The following FER1L6 variants were observed in gnomAD, a reference collection of about 807,000 sequenced individuals.
FER1L6 encodes the protein fer-1 like family member 6, also known as fer-1-like protein 6.
Under a neutral mutation model 219.2 loss-of-function variants are expected in FER1L6, and 177 were observed. The observed-to-expected ratio is 0.81, with a 90% CI of 0.71 to 0.91. The LOEUF (loss-of-function observed/expected upper bound fraction) is 0.91. Ranked by LOEUF, FER1L6 falls within the 40% of genes least tolerant of loss-of-function variation. The probability of loss-of-function intolerance (pLI) is 0.00; values close to 1 mark genes in which losing one functional copy is unlikely to be tolerated. For missense variants in FER1L6, 2,153 were observed against 2,259.9 expected (o/e 0.95, Z 0.96); for synonymous variants, 768 against 824.3 (o/e 0.93, Z 1.17).
At chr8:123,921,171 A>G (rs1813350634) in intron 1 of FER1L6, among the ~76,000 whole-genome samples, 1 of 152,118 alleles carries the variant, frequency 6.6e-6, no homozygotes, top group Non-Finnish European at 1.5e-5. Context: ...TCTCTTCAAG[A>G]TTCTGCTTTC....
chr8:123,938,236 G>A (rs1250147660), intron 1 of FER1L6, among the ~76,000 whole-genome samples: 2 of 152,168 alleles, frequency 1.3e-5, no homozygotes, highest in Non-Finnish European at 2.9e-5. Context: ...TGTTTACACG[G>A]GGAATACCTC....
chr8:123,990,925 G>A lies in FER1L6; in HGVS notation c.1519+4749G>A, dbSNP rs566221815. ...TACAGATCCAGTTTTATTCTTCTAC[G>A]TGTGGCTATCCAGTTTTCCTAGCAC... On this transcript the variant is annotated intron_variant, in intron 12 of 40. Transcript: ENST00000522917. Among the ~76,000 whole-genome samples, 241 of 152,116 alleles carry A rather than the reference G, an allele frequency of 1.6e-3. 1 individual carries two copies. Among genetic ancestry groups the A allele is most frequent in the African/African-American group, 5.5e-3 (227 of 41,538 alleles).
intron 39 of FER1L6, among the ~76,000 whole-genome samples, chr8:124,104,717 G>A (rs751796285): frequency 6.6e-6 from 1 of 152,068 alleles, no homozygotes; most frequent in Non-Finnish European, 1.5e-5. Context: ...TTAATAAGCA[G>A]TAAATTTAGA....
intron 1 of FER1L6, among the ~76,000 whole-genome samples, chr8:123,887,005 C>T (rs1817214877): frequency 6.6e-6 from 1 of 152,062 alleles, no homozygotes; most frequent in African/African-American, 2.4e-5. Context: ...AATGAGATGC[C>T]AAGCCTCTCA....
intron 15 of FER1L6, among the ~76,000 whole-genome samples, chr8:124,016,714 T>C (rs752937197): frequency 2.0e-5 from 3 of 152,246 alleles, no homozygotes; most frequent in Non-Finnish European, 4.4e-5. Context: ...ATAGATATCC[T>C]GAATATTCAA....
chr8:123,911,653 C>A (rs548132665), intron 1 of FER1L6, among the ~76,000 whole-genome samples: 29 of 152,250 alleles, frequency 1.9e-4, no homozygotes, highest in Non-Finnish European at 1.0e-4. Flanking sequence ...TGCAATGATC[C>A]TTGGAGATTG....
In FER1L6 at chr8:123,977,704, G is replaced by A. The variant is rs1816152081; in HGVS notation, c.1063+95G>A. ...GGGTGGGCTAGAGCAGCAGTCCCCAGCCTTTCTGGCACCAGATACCAGTTT... is the reference window on the plus strand; with the variant it reads ...GGGTGGGCTAGAGCAGCAGTCCCCAACCTTTCTGGCACCAGATACCAGTTT... On this transcript the variant is annotated intron_variant, in intron 10 of 40. Coordinates refer to ENST00000522917, the MANE Select transcript of FER1L6 (RefSeq NM_001039112.2). The A allele has an allele frequency of 6.3e-6, 7 of 1,103,846 alleles. No homozygotes were observed. In the South Asian group the frequency reaches 1.1e-4, roughly 17 times the overall value. The allele number at this position is 1,103,846 out of a possible 1,614,324, so 68.4% of individuals were successfully genotyped here.
chr8:124,021,414 G>C (rs1337784167), intron 16 of FER1L6, 136 bp from the exon 17 acceptor site: 3 of 1,132,184 alleles, frequency 2.6e-6, no homozygotes, highest in Non-Finnish European at 3.8e-6. Context: ...AGCATGCACG[G>C]TGGCAGACCC....
intron 26 of FER1L6, among the ~76,000 whole-genome samples, chr8:124,065,400 C>CAAAAAAA (rs60695255): frequency 5.4e-5 from 3 of 55,192 alleles, no homozygotes; most frequent in South Asian, 7.5e-4. Context: ...GCCTCCATCT[C>CAAAAAAA]AAAAAAAAAA....
chr8:123,928,736 T>C lies in FER1L6; in HGVS notation c.-7-27256T>C, dbSNP rs530034697. 5.3e-5 allele frequency among the ~76,000 whole-genome samples: 8 copies of C among 152,310 alleles called. No individual in the cohort carries two copies. The East Asian group carries it at 1.2e-3, about 22-fold the overall frequency. On this transcript the variant is annotated intron_variant, in intron 1 of 40. Coordinates refer to ENST00000522917, the MANE Select transcript of FER1L6 (RefSeq NM_001039112.2). ...TGTGGTTTGCAATTAAGAAATCCAATGGATACAACTGGAATCTGAGGATAA... is the reference window on the plus strand; with the variant it reads ...TGTGGTTTGCAATTAAGAAATCCAACGGATACAACTGGAATCTGAGGATAA...
chr8:123,930,115 A>G (rs1314933167), intron 1 of FER1L6, among the ~76,000 whole-genome samples: 4 of 152,350 alleles, frequency 2.6e-5, no homozygotes, highest in African/African-American at 9.6e-5. Context: ...AAAATATCAC[A>G]GCTAGGATAT....
Position 124,070,525 on chromosome 8 carries a change from T to C in FER1L6, c.3893T>C (p.Phe1298Ser), listed in dbSNP as rs1363034949. 2 of 1,613,670 alleles carry C rather than the reference T, an allele frequency of 1.2e-6. No individual in the cohort carries two copies. Among genetic ancestry groups the C allele is most frequent in the African/African-American group, 2.7e-5 (2 of 74,920 alleles). The change falls in exon 30 of 41, where the codon TTT becomes TCT. Residue 1298 changes from phenylalanine to serine, a missense_variant. Transcript: ENST00000522917. ...AATTTTGAAGACTGGGTGAAAACTT[T>C]TGAGCTCTTCAGAGGCAAGTCTACG... is the stretch of plus-strand genomic sequence containing the variant. ...FNNFEDWVKTFELFRGKSTED... is the reference protein window; with the variant it reads ...FNNFEDWVKTSELFRGKSTED...
intron 7 of FER1L6, 123 bp downstream of exon 7, chr8:123,973,635 C>G: frequency 1.3e-6 from 1 of 752,618 alleles, no homozygotes; most frequent in South Asian, 1.5e-5. Context: ...ACCAGTTATA[C>G]AAAGTTGAAT....
chr8:123,975,783 T>C, intron 8 of FER1L6, 115 bp from the exon 9 acceptor site: 1 of 825,568 alleles, frequency 1.2e-6, no homozygotes, highest in South Asian at 2.0e-5. Flanking sequence ...AATCTTACTC[T>C]TTTCAGATTT....
At chr8:123,965,851 A>G (rs949639580) in intron 3 of FER1L6, among the ~76,000 whole-genome samples, 156 bp from the exon 4 acceptor site, 1 of 152,212 alleles carries the variant, frequency 6.6e-6, no homozygotes. Flanking sequence ...TCAGAGGTCA[A>G]GTCATTTGTC....
chr8:124,046,019 T>G, intron 21 of FER1L6, 118 bp downstream of exon 21: 1 of 1,254,820 alleles, frequency 8.0e-7, no homozygotes, highest in Non-Finnish European at 1.1e-6. Context: ...GAACACTAGA[T>G]GTACCTAGAG....
intron 33 of FER1L6, among the ~76,000 whole-genome samples, chr8:124,084,564 CTGAT>C (rs770996483): frequency 1.4e-4 from 22 of 152,078 alleles, no homozygotes; most frequent in Non-Finnish European, 2.1e-4. Flanking sequence ...ATGTATCACA[CTGAT>C]TGATTGTGTA....
In FER1L6 at chr8:124,076,311, C is replaced by G. The variant is rs1362129964; in HGVS notation, c.4206C>G (p.Asn1402Lys). The change falls in exon 32 of 41, where the codon AAC (asparagine) becomes AAG (lysine). Residue 1402 changes from asparagine (N) to lysine (K), a missense_variant. Asn to Lys is a moderately conservative substitution (Grantham distance 94). Transcript: ENST00000522917. ...DRDKYIPKQL[N>K]PVFGRSFEIQ... ...ATAAATACATCCCTAAACAACTGAA[C>G]CCAGTATTTGGAAGGTCAGTGGCCA... is the stretch of plus-strand genomic sequence containing the variant. 1.2e-6 allele frequency: 2 copies of G among 1,613,390 alleles called. No individual in the cohort carries two copies. Among genetic ancestry groups the G allele is most frequent in the African/African-American group, 2.7e-5 (2 of 74,884 alleles).
chr8:123,908,994 T>G (rs1563681008), intron 1 of FER1L6, among the ~76,000 whole-genome samples: 1 of 152,148 alleles, frequency 6.6e-6, no homozygotes, highest in Non-Finnish European at 1.5e-5. Context: ...AGGATTATAG[T>G]CAACTGGAGG....
Sources: gnomAD v4.1 joint callset for allele counts (sites outside exome capture counted in the v4.1 genomes callset) on GRCh38, gnomAD v4.1.1 for gene constraint, MANE v1.5 for transcripts, NCBI Gene and HGNC (gene_info 2026-07-23, HGNC 2026-07-21) for gene names.